The following TOP1MT variants were observed in gnomAD, a reference collection of about 807,000 sequenced individuals.
TOP1MT encodes the protein DNA topoisomerase I mitochondrial, also known as DNA topoisomerase I, mitochondrial.
Under a neutral mutation model 73.9 loss-of-function variants are expected in TOP1MT, and 80 were observed. The observed-to-expected ratio is 1.08, with a 90% CI of 0.90 to 1.30. The LOEUF (loss-of-function observed/expected upper bound fraction) is 1.30. Among genes scored for constraint, TOP1MT ranks in the 50% most tolerant of loss-of-function variants. TOP1MT has a pLI of 0.00. For missense variants in TOP1MT, 815 were observed against 808.0 expected, an observed-to-expected ratio of 1.01 and a Z score of -0.10; for synonymous variants, 338 against 326.4, an observed-to-expected ratio of 1.04 and a Z score of -0.38.
upstream of TOP1MT, chr8:143,359,877 C>CCT (rs1817475293): frequency 6.6e-6 from 1 of 152,406 alleles, no homozygotes; most frequent in Non-Finnish European, 1.5e-5. Context: ...AGTCCCACCT[C>CCT]CTCTGCAGCT....
chr8:143,316,169 C>T (rs1345170237), intron 10 of TOP1MT, 43 bp from the exon 11 acceptor site: 1 of 1,612,990 alleles, frequency 6.2e-7, no homozygotes, highest in Non-Finnish European at 8.5e-7. Context: ...ACGGGGCCGG[C>T]CACCCTCCCT....
At chr8:143,331,426 G>C in intron 1 of TOP1MT, 87 bp from the exon 2 acceptor site, 3 of 1,159,292 alleles carry the variant, frequency 2.6e-6, no homozygotes, top group Non-Finnish European at 2.5e-6. Flanking sequence ...CCTCCCTGTG[G>C]CTCCTAGCAG....
Position 143,321,562 on chromosome 8 carries a change from C to T in TOP1MT, c.961-176G>A, listed in dbSNP as rs569997535. ...ACGCACGCCACACACGCACGCCACA[C>T]ACACGCACGCCACACAGGCACGCCA... On this transcript the variant is annotated intron_variant, in intron 7 of 13. Coordinates refer to ENST00000329245, the MANE Select transcript of TOP1MT (RefSeq NM_052963.3). Among the ~76,000 whole-genome samples the T allele has an allele frequency of 8.3e-5, 10 of 121,200 alleles. No individual in the cohort carries two copies. The East Asian group carries it at 2.0e-3, about 24-fold the overall frequency. The allele number at this position is 121,200 out of a possible 152,430, so 79.5% of individuals were successfully genotyped here.
intron 12 of TOP1MT, among the ~76,000 whole-genome samples, chr8:143,314,992 C>T (rs573350354): frequency 6.6e-6 from 1 of 152,318 alleles, no homozygotes; most frequent in East Asian, 1.9e-4. Flanking sequence ...GCTCCTTGGT[C>T]TAGCGGTAAC....
intron 1 of TOP1MT, among the ~76,000 whole-genome samples, chr8:143,333,488 G>T (rs1330595419): frequency 6.6e-6 from 1 of 152,188 alleles, no homozygotes; most frequent in Non-Finnish European, 1.5e-5. Flanking sequence ...AACTGACAGT[G>T]ACCCTGACTG....
chr8:143,309,672 C>A, intron 13 of TOP1MT, 129 bp from the exon 14 acceptor site: 1 of 1,526,652 alleles, frequency 6.6e-7, no homozygotes, highest in Non-Finnish European at 8.8e-7. Context: ...GTAGCTGGGA[C>A]CTGCTCCTCT....
intron 8 of TOP1MT, 103 bp downstream of exon 8, chr8:143,321,098 G>T (rs939661466): frequency 8.0e-7 from 1 of 1,253,620 alleles, no homozygotes; most frequent in Non-Finnish European, 1.1e-6. Context: ...CAGGCAGGAC[G>T]TGGCAAACGG....
At chr8:143,338,180 A>T (rs1817015182), upstream of TOP1MT, among the ~76,000 whole-genome samples, 1 of 152,096 alleles carries the variant, frequency 6.6e-6, no homozygotes, top group Non-Finnish European at 1.5e-5. Context: ...GCTGAGTGGG[A>T]GGATTGCTTG....
chr8:143,337,118 A>C (rs2467945), upstream of TOP1MT, among the ~76,000 whole-genome samples: 18,179 of 152,204 alleles, frequency 0.12, 3,644 homozygotes, highest in African/African-American at 0.41. Flanking sequence ...CACGGACTGG[A>C]TGATTTCATA....
upstream of TOP1MT, chr8:143,334,975 C>A: frequency 1.8e-6 from 2 of 1,134,174 alleles, no homozygotes; most frequent in South Asian, 3.8e-5. Flanking sequence ...CAGCGGCGCT[C>A]ATCCCAAGGC....
chr8:143,322,373 C>A lies in TOP1MT; in HGVS notation c.961-987G>T, dbSNP rs1387364963. ...CACACACGCACGCCACACACACAGG[C>A]ACGCCACACACGCACGCCACACACA... On this transcript the variant is annotated intron_variant, in intron 7 of 13. Transcript: ENST00000329245. Among the ~76,000 whole-genome samples the A allele has an allele frequency of 3.8e-5, 4 of 105,456 alleles. No homozygotes were observed. In the South Asian group the frequency reaches 2.0e-3, roughly 52 times the overall value. The allele number at this position is 105,456 out of a possible 152,430, so 69.2% of individuals were successfully genotyped here. A position where few individuals can be genotyped will look rare whatever the true frequency, so the allele number is the denominator to read the frequency against.
At chr8:143,316,271 G>C (rs1816160752) in intron 10 of TOP1MT, 145 bp from the exon 11 acceptor site, 1 of 1,314,388 alleles carries the variant, frequency 7.6e-7, no homozygotes, top group Non-Finnish European at 1.1e-6. Flanking sequence ...AGGGCCAAGG[G>C]TCAGTGACCC....
At chr8:143,323,444 GCCACACGCACGCCACACACATGCTCA>G (rs1816593135) in intron 7 of TOP1MT, among the ~76,000 whole-genome samples, 1 of 48,936 alleles carries the variant, frequency 2.0e-5, no homozygotes, top group Non-Finnish European at 3.6e-5. Context: ...ACACACGCAC[GCCACACGCACGCCACACACATGCTCA>G]CCACACACGC....
Position 143,321,378 on chromosome 8 carries a change from C to G in TOP1MT, c.969G>C (p.Leu323=). The G allele has an allele frequency of 1.3e-6, 2 of 1,585,650 alleles. No homozygotes were observed. The highest frequency in any genetic ancestry group is 1.7e-6 in the Non-Finnish European group (2 of 1,159,982). ...VALYFIDKLA[L]RAGNEKEDGE... is the part of the protein sequence containing the mutation. ...CGTCCTCCTTCTCATTTCCTGCTCTCAGTGCCAGCTAGTTGGTGGGGAATG... is the reference window on the plus strand; with the variant it reads ...CGTCCTCCTTCTCATTTCCTGCTCTGAGTGCCAGCTAGTTGGTGGGGAATG... Residue 323 remains leucine (L), a synonymous_variant, in exon 8 of 14, where the codon CTG becomes CTC. Transcript: ENST00000329245.
intron 8 of TOP1MT, 32 bp downstream of exon 8, chr8:143,321,169 A>G (rs753015450): frequency 1.3e-6 from 2 of 1,536,634 alleles, no homozygotes; most frequent in African/African-American, 1.4e-5. Context: ...TACGTGTCAC[A>G]TAGCGGGGGC....
chr8:143,310,731 G>C (rs1815989412), intron 12 of TOP1MT, among the ~76,000 whole-genome samples: 1 of 152,234 alleles, frequency 6.6e-6, no homozygotes, highest in Non-Finnish European at 1.5e-5. Flanking sequence ...ACACTCGAAT[G>C]TGCGTGGAAA....
Position 143,342,206 on chromosome 8 carries a change from TATTAGAG to T in TOP1MT, c.29+1007_29+1013del, listed in dbSNP as rs1287598685. On this transcript the variant is annotated intron_variant, in intron 2 of 5. Transcript: ENST00000518007. Reference sequence around the variant, plus strand: ...GAGACAGTCTCGCTGTTATTATTATTATTAGAGACAGAGTCTCGCTCTATTATTATTA... The same window carrying T: ...GAGACAGTCTCGCTGTTATTATTATTACAGAGTCTCGCTCTATTATTATTA... Among the ~76,000 whole-genome samples the T allele has an allele frequency of 3.7e-5, 5 of 136,362 alleles. 1 individual carries two copies. Among genetic ancestry groups the T allele is most frequent in the African/African-American group, 6.9e-5 (2 of 28,888 alleles). The allele number at this position is 136,362 out of a possible 152,430, so 89.5% of individuals were successfully genotyped here.
intron 8 of TOP1MT, among the ~76,000 whole-genome samples, chr8:143,318,815 G>A (rs111230347): frequency 1.3e-3 from 199 of 152,218 alleles, no homozygotes; most frequent in African/African-American, 4.5e-3. Flanking sequence ...CACAGGCACC[G>A]GGACATGGCG....
At position 143,332,269 on chromosome 8, in the gene TOP1MT, C is replaced by G. The variant is rs13264140; in HGVS notation, c.123-930G>C. ...TGAGATGGGCCTGGGAGAAGAGGAG[C>G]GAGATGGGGCGTGGCTGGCAGGCAG... On this transcript the variant is annotated intron_variant, in intron 1 of 13. Coordinates refer to ENST00000329245, the MANE Select transcript of TOP1MT (RefSeq NM_052963.3). Among the ~76,000 whole-genome samples the G allele has an allele frequency of 3.3e-5, 5 of 152,236 alleles. No homozygotes were observed. In the South Asian group the frequency reaches 1.0e-3, roughly 32 times the overall value.
Sources: allele counts gnomAD v4.1 joint callset (sites outside exome capture counted in the v4.1 genomes callset), GRCh38; gene constraint gnomAD v4.1.1; transcripts MANE v1.5; gene names NCBI Gene and HGNC (gene_info 2026-07-23, HGNC 2026-07-21).